CTNNA2: variants seen among roughly 807,000 people sequenced by gnomAD.
CTNNA2 encodes catenin alpha-2.
In CTNNA2, 42 loss-of-function variants were observed where a neutral mutation model predicts 101.0. The observed-to-expected ratio is 0.42, with a 90% CI of 0.32 to 0.54. The LOEUF (loss-of-function observed/expected upper bound fraction) is 0.54. Among genes scored for constraint, CTNNA2 ranks in the 20% least tolerant of loss-of-function variants. The pLI is 0.14. For synonymous variants in CTNNA2, 450 were observed against 456.4 expected (o/e 0.99, Z 0.18); for missense variants, 871 against 1,223.1 (o/e 0.71, Z 4.29).
intron 1 of CTNNA2, among the ~76,000 whole-genome samples, chr2:79,517,876 C>T (rs1274670705): frequency 6.6e-6 from 1 of 152,064 alleles, no homozygotes; most frequent in Non-Finnish European, 1.5e-5. Flanking sequence ...AACTATTAGA[C>T]TATTACATTT....
chr2:80,303,037 C>A lies in CTNNA2; in HGVS notation c.1057-90174C>A, dbSNP rs1185534048. 2 of 1,613,864 alleles carry A rather than the reference C, an allele frequency of 1.2e-6. No homozygotes were observed. The highest frequency in any genetic ancestry group is 2.2e-5 in the South Asian group (2 of 91,060). Reference sequence around the variant, plus strand: ...ACTCGATCTCGTTGCCCGACAAGTCCATTTTCTCCAGGTTCCAAACCCAGT... The same window carrying A: ...ACTCGATCTCGTTGCCCGACAAGTCAATTTTCTCCAGGTTCCAAACCCAGT... On this transcript the variant is annotated intron_variant, in intron 7 of 18. Transcript: ENST00000402739. This position sits in a 1 kb window ranked among gnomAD's most constrained non-coding sequence, Gnocchi z 7.7.
chr2:79,745,423 T>C (rs1671575554), intron 3 of CTNNA2, among the ~76,000 whole-genome samples: 2 of 151,186 alleles, frequency 1.3e-5, no homozygotes, highest in Non-Finnish European at 2.9e-5. Context: ...AGAGTGAGAC[T>C]CCATCTCTTA....
In CTNNA2 at chr2:79,393,161, G is replaced by A. The variant is rs1573144129; in HGVS notation, c.-135+19148G>A. 3.3e-5 allele frequency among the ~76,000 whole-genome samples: 5 copies of A among 152,296 alleles called. No individual in the cohort carries two copies. The South Asian group carries it at 1.0e-3, about 32-fold the overall frequency. On this transcript the variant is annotated intron_variant, in intron 4 of 21. Transcript: ENST00000466387. ...CAGTAGAAAGGTGGTACTGGTCATAGCTGTGCCTCAAGCACCGTCCCATCC... is the reference window on the plus strand; with the variant it reads ...CAGTAGAAAGGTGGTACTGGTCATAACTGTGCCTCAAGCACCGTCCCATCC...
At chr2:80,043,085 TTC>T (rs1302122071) in intron 7 of CTNNA2, among the ~76,000 whole-genome samples, 1 of 39,274 alleles carries the variant, frequency 2.5e-5, no homozygotes, top group Non-Finnish European at 4.8e-5. Context: ...CTTTCTTTCT[TTC>T]TTTCTTTCTC....
intron 3 of CTNNA2, among the ~76,000 whole-genome samples, chr2:79,763,904 T>C (rs1672965958): frequency 6.6e-6 from 1 of 152,228 alleles, no homozygotes; most frequent in African/African-American, 2.4e-5. Flanking sequence ...GGATATAAGT[T>C]GTATTTAAAA....
chr2:79,367,196 G>T (rs1232715018), intron 3 of CTNNA2, among the ~76,000 whole-genome samples: 2 of 152,150 alleles, frequency 1.3e-5, no homozygotes, highest in East Asian at 3.9e-4. Flanking sequence ...AAGGAGGCTG[G>T]CCATCCAAAA....
chr2:80,633,264 T>C lies in CTNNA2; in HGVS notation c.2574+14036T>C, dbSNP rs78359623. Among the ~76,000 whole-genome samples, 22 of 152,334 alleles carry C rather than the reference T, an allele frequency of 1.4e-4. No individual in the cohort carries two copies. In the East Asian group the frequency reaches 4.2e-3, roughly 29 times the overall value. On this transcript the variant is annotated intron_variant, in intron 18 of 18. Transcript: ENST00000402739. Reference sequence around the variant, plus strand: ...ATAAGTGGTATATAACGTTTAGGGATAAGGAGAATTAGAAGTTGTATTTAA... The same window carrying C: ...ATAAGTGGTATATAACGTTTAGGGACAAGGAGAATTAGAAGTTGTATTTAA...
chr2:80,368,452 T>C (rs1251117695), intron 7 of CTNNA2, among the ~76,000 whole-genome samples: 1 of 152,152 alleles, frequency 6.6e-6, no homozygotes, highest in Non-Finnish European at 1.5e-5. Flanking sequence ...TTTACGTGCA[T>C]GTGCTAAATT....
At chr2:79,584,902 A>AT (rs1676384112) in intron 1 of CTNNA2, among the ~76,000 whole-genome samples, 1 of 152,196 alleles carries the variant, frequency 6.6e-6, no homozygotes, top group African/African-American at 2.4e-5. Context: ...ATCCGGAACA[A>AT]TTTTTTAAAA....
At chr2:80,579,064 G>T (rs1202666702) in intron 13 of CTNNA2, 1 of 152,140 alleles carries the variant, frequency 6.6e-6, no homozygotes, top group Non-Finnish European at 1.5e-5. Context: ...CGTTTTATGA[G>T]CAGGGAGACA....
chr2:79,596,317 G>T (rs1176381813), intron 1 of CTNNA2, among the ~76,000 whole-genome samples: 1 of 152,028 alleles, frequency 6.6e-6, no homozygotes, highest in Non-Finnish European at 1.5e-5. Context: ...CAGAGTCAAG[G>T]TAGGGAAAAT....
intron 7 of CTNNA2, among the ~76,000 whole-genome samples, chr2:80,042,042 G>T (rs745886981): frequency 6.6e-5 from 10 of 152,186 alleles, no homozygotes; most frequent in Non-Finnish European, 1.3e-4. Flanking sequence ...TCGGCTCACT[G>T]CAACCTTCAC....
chr2:79,649,865 G>A (rs1490931748), intron 1 of CTNNA2, among the ~76,000 whole-genome samples: 20 of 152,078 alleles, frequency 1.3e-4, no homozygotes. Flanking sequence ...ATTTGCAAAA[G>A]CTTTAGCTGT....
At chr2:79,625,828 G>C (rs1042826503) in intron 1 of CTNNA2, among the ~76,000 whole-genome samples, 2 of 152,218 alleles carry the variant, frequency 1.3e-5, no homozygotes, top group African/African-American at 4.8e-5. Context: ...CCTTGGTGTT[G>C]TGATATAGAT....
chr2:79,693,772 C>T (rs1684477384), intron 2 of CTNNA2, among the ~76,000 whole-genome samples: 1 of 151,688 alleles, frequency 6.6e-6, no homozygotes, highest in South Asian at 2.1e-4. Context: ...TCTACCTTCT[C>T]CAGAAATATT....
intron 7 of CTNNA2, among the ~76,000 whole-genome samples, chr2:79,987,792 G>C (rs1691871310): frequency 6.6e-6 from 1 of 152,156 alleles, no homozygotes; most frequent in African/African-American, 2.4e-5. Flanking sequence ...CCACTTAAAA[G>C]CACTTTGAGA....
At chr2:79,615,479 C>A (rs760871858) in intron 1 of CTNNA2, among the ~76,000 whole-genome samples, 1 of 152,070 alleles carries the variant, frequency 6.6e-6, no homozygotes, top group African/African-American at 2.4e-5. Flanking sequence ...AATATTTGAG[C>A]TTTATTATTT....
At chr2:79,469,327 A>C (rs1388356969) in intron 4 of CTNNA2, among the ~76,000 whole-genome samples, 1 of 152,222 alleles carries the variant, frequency 6.6e-6, no homozygotes, top group Non-Finnish European at 1.5e-5. Context: ...AGACTAAACC[A>C]GGAAGAAGTT....
intron 18 of CTNNA2, among the ~76,000 whole-genome samples, chr2:80,645,312 A>G (rs969465828): frequency 7.2e-5 from 11 of 152,264 alleles, no homozygotes; most frequent in African/African-American, 2.6e-4. Context: ...ATTGTTCCCA[A>G]CATTTTGCTG....
Sources: allele counts gnomAD v4.1 joint callset (sites outside exome capture counted in the v4.1 genomes callset), GRCh38; gene constraint gnomAD v4.1.1; non-coding constraint Gnocchi (gnomAD v3.1); transcripts MANE v1.5; gene names NCBI Gene and HGNC (gene_info 2026-07-23, HGNC 2026-07-21).